Variants in PLAGL1 observed in about 807,000 individuals in gnomAD.
The protein encoded by PLAGL1 is PLAG1 like zinc finger 1, also known as zinc finger protein PLAGL1.
PLAGL1 carries 1 observed loss-of-function variant against 4.6 expected under a neutral mutation model. The observed-to-expected ratio is 0.22, with a 90% CI of 0.08 to 1.03. The LOEUF (loss-of-function observed/expected upper bound fraction) is 1.03, where lower values mean the gene tolerates loss of function less well. Ranked by LOEUF, PLAGL1 falls within the 50% of genes least tolerant of loss-of-function variation. PLAGL1 has a pLI of 0.58. For synonymous variants in PLAGL1, 240 were observed against 237.8 expected (o/e 1.01, Z -0.08); for missense variants, 464 against 570.4 (o/e 0.81, Z 1.90).
intron 1 of PLAGL1, among the ~76,000 whole-genome samples, chr6:143,988,452 G>T (rs1216402372): frequency 6.6e-6 from 1 of 152,212 alleles, no homozygotes; most frequent in Non-Finnish European, 1.5e-5. Flanking sequence ...AGAGGTTCTG[G>T]AGGAGGAAAC....
chr6:143,953,991 A>G lies in PLAGL1; in HGVS notation c.-324-5531T>C, dbSNP rs1390665331. On this transcript the variant is annotated intron_variant, in intron 6 of 7. Coordinates refer to ENST00000674357, the MANE Select transcript of PLAGL1 (RefSeq NM_001317162.2). The surrounding 1 kb of genome is among the most constrained non-coding windows in gnomAD (Gnocchi z 5.3). ...CACAAGTGCTCGCTATGGAGACTGT[A>G]TGAAAGTGGGGGAGTAGCCTGACAC... 6.6e-6 allele frequency among the ~76,000 whole-genome samples: 1 copy of G among 152,138 alleles called. No homozygotes were observed. The highest frequency in any genetic ancestry group is 1.5e-5 in the Non-Finnish European group (1 of 68,018).
At position 143,948,029 on chromosome 6, in the gene PLAGL1, C is replaced by T. The variant is rs1454046612; in HGVS notation, c.108G>A (p.Gln36=). ...AAACAAAGGCTTTGCCACAGTCAGG[C>T]TGCACACACTTGTACGGCCGCTCCC... ...HSRERPYKCV[Q]PDCGKAFVSR... is the part of the protein sequence containing the mutation. The change falls in exon 7 of 8, where the codon CAG becomes CAA. Residue 36 remains glutamine, a synonymous_variant. Transcript: ENST00000674357. This position sits in a 1 kb window ranked among gnomAD's most constrained non-coding sequence, Gnocchi z 6.0. 2.5e-6 allele frequency: 4 copies of T among 1,614,136 alleles called. No homozygotes were observed. Among genetic ancestry groups the T allele is most frequent in the Non-Finnish European group, 3.4e-6 (4 of 1,179,968 alleles).
chr6:143,988,013 T>C (rs529872110), intron 1 of PLAGL1, among the ~76,000 whole-genome samples: 11 of 152,358 alleles, frequency 7.2e-5, no homozygotes, highest in African/African-American at 2.4e-4. Context: ...ATAACCTTTC[T>C]ATCTTGTCTG....
At chr6:144,044,691 C>T (rs138280044) in intron 1 of PLAGL1, among the ~76,000 whole-genome samples, 2,940 of 152,186 alleles carry the variant, frequency 0.019, 84 homozygotes, top group East Asian at 0.088. Context: ...CTATTAGGTC[C>T]GCTTGGTGCA....
Position 144,004,219 on chromosome 6 carries a change from TC to T in PLAGL1, c.-584+3870del, listed in dbSNP as rs1466273941. 1.2e-4 allele frequency among the ~76,000 whole-genome samples: 18 copies of T among 151,974 alleles called. No homozygotes were observed. Among genetic ancestry groups the T allele is most frequent in the Admixed American group, 7.9e-4 (12 of 15,262 alleles). On this transcript the variant is annotated intron_variant, in intron 1 of 7. Transcript: ENST00000674357. This position sits in a 1 kb window ranked among gnomAD's most constrained non-coding sequence, Gnocchi z 4.2. ...TTTTTAAGATGGGGTCATCTCACTG[TC>T]ACCCAGGCTGCAGTGCAGTGGCATG...
At chr6:144,044,813 T>C (rs1209981732) in intron 1 of PLAGL1, among the ~76,000 whole-genome samples, 1 of 152,138 alleles carries the variant, frequency 6.6e-6, no homozygotes, top group Non-Finnish European at 1.5e-5. Context: ...TCTAAGTCTC[T>C]TTTTAGGTCT....
chr6:143,969,358 A>G (rs1401357425), intron 2 of PLAGL1, among the ~76,000 whole-genome samples: 1 of 152,138 alleles, frequency 6.6e-6, no homozygotes, highest in Non-Finnish European at 1.5e-5. Context: ...CCCACATCAC[A>G]AGACCCTTTT....
At chr6:144,007,415 G>A (rs1794478360) in intron 1 of PLAGL1, 1 of 152,196 alleles carries the variant, frequency 6.6e-6, no homozygotes, top group Non-Finnish European at 1.5e-5. Flanking sequence ...GAGGACCTAA[G>A]CTGGGTGTTT....
At position 143,962,191 on chromosome 6, in the gene PLAGL1, A is replaced by G. The variant is rs1783520778; in HGVS notation, c.-398-1649T>C. ...CCAAGGCAGGCCTGGTCTGGGGGGA[A>G]AATCATGTGCAGTATATGACGATTT... is the stretch of plus-strand genomic sequence containing the variant. On this transcript the variant is annotated intron_variant, in intron 5 of 7. Transcript: ENST00000674357. This position sits in a 1 kb window ranked among gnomAD's most constrained non-coding sequence, Gnocchi z 5.3. Among the ~76,000 whole-genome samples the G allele has an allele frequency of 6.6e-6, 1 of 152,202 alleles. No homozygotes were observed. Among genetic ancestry groups the G allele is most frequent in the Non-Finnish European group, 1.5e-5 (1 of 68,028 alleles).
At chr6:144,057,427 G>A (rs779558381) in intron 1 of PLAGL1, among the ~76,000 whole-genome samples, 1 of 152,148 alleles carries the variant, frequency 6.6e-6, no homozygotes, top group Non-Finnish European at 1.5e-5. Context: ...CACCCTACAT[G>A]TATACCTGGC....
intron 1 of PLAGL1, among the ~76,000 whole-genome samples, chr6:144,028,837 A>C (rs534689008): frequency 6.6e-6 from 1 of 152,336 alleles, no homozygotes; most frequent in East Asian, 1.9e-4. Context: ...CTTATTATAA[A>C]AATACATGCT....
Position 144,036,713 on chromosome 6 carries a change from GA to G in PLAGL1, c.-151+27754del. 2.9e-5 allele frequency: 8 copies of G among 280,688 alleles called. No homozygotes were observed. Among genetic ancestry groups the G allele is most frequent in the Non-Finnish European group, 5.4e-5 (8 of 147,066 alleles). The allele number at this position is 280,688 out of a possible 1,614,324, so 17.4% of individuals were successfully genotyped here. On this transcript the variant is annotated intron_variant, in intron 1 of 3. Transcript: ENST00000437412. This position sits in a 1 kb window ranked among gnomAD's most constrained non-coding sequence, Gnocchi z 5.1. ...GGGACGAAAGAAAGAGGAAAGAATGGAAAAAGTGAAACTACAGAACAGAAAT... is the reference window on the plus strand; with the variant it reads ...GGGACGAAAGAAAGAGGAAAGAATGGAAAAGTGAAACTACAGAACAGAAAT...
At position 144,056,463 on chromosome 6, in the gene PLAGL1, A is replaced by G. The variant is rs963052800; in HGVS notation, c.-151+8005T>C. ...ATACAGAGTAGTGTCACTGCTCTAA[A>G]CAAAACTCCTCTGTGCTCCGTCTAT... On this transcript the variant is annotated intron_variant, in intron 1 of 3. Coordinates refer to the PLAGL1 transcript ENST00000437412. This position sits in a 1 kb window ranked among gnomAD's most constrained non-coding sequence, Gnocchi z 4.7. Among the ~76,000 whole-genome samples, 1 of 152,202 alleles carries G rather than the reference A, an allele frequency of 6.6e-6. No individual in the cohort carries two copies. Among genetic ancestry groups the G allele is most frequent in the African/African-American group, 2.4e-5 (1 of 41,440 alleles).
Position 143,975,506 on chromosome 6 carries a change from T to A in PLAGL1, c.-543-6528A>T, listed in dbSNP as rs1003113274. On this transcript the variant is annotated intron_variant, in intron 2 of 7. Coordinates refer to ENST00000674357, the MANE Select transcript of PLAGL1 (RefSeq NM_001317162.2). This position sits in a 1 kb window ranked among gnomAD's most constrained non-coding sequence, Gnocchi z 5.8. ...AACAGCATTGGCATACAGTGAAAGATCAATAATTATAGCTATTATCAATGC... is the reference window on the plus strand; with the variant it reads ...AACAGCATTGGCATACAGTGAAAGAACAATAATTATAGCTATTATCAATGC... Among the ~76,000 whole-genome samples the A allele has an allele frequency of 7.2e-5, 11 of 152,180 alleles. No individual in the cohort carries two copies. The highest frequency in any genetic ancestry group is 2.7e-4 in the African/African-American group (11 of 41,444).
At chr6:144,054,893 CTTTAAA>C in intron 1 of PLAGL1, among the ~76,000 whole-genome samples, 1 of 150,322 alleles carries the variant, frequency 6.7e-6, no homozygotes, top group African/African-American at 2.4e-5. Context: ...CTTTCCTAAA[CTTTAAA>C]TTTGTAAAGG....
intron 1 of PLAGL1, among the ~76,000 whole-genome samples, chr6:144,046,286 G>T (rs971725779): frequency 2.0e-5 from 3 of 152,138 alleles, no homozygotes; most frequent in African/African-American, 7.2e-5. Context: ...AGAATTTTCA[G>T]CTTTTCTGCT....
At chr6:144,043,374 T>TTTA (rs2128718856) in intron 1 of PLAGL1, among the ~76,000 whole-genome samples, 1 of 152,358 alleles carries the variant, frequency 6.6e-6, no homozygotes, top group South Asian at 2.1e-4. Context: ...ACTGAGAGTT[T>TTTA]TTAGCATGAA....
chr6:143,942,762 G>A lies in PLAGL1; in HGVS notation c.153-99C>T. ...TATCAAAATGTTAATAGTTTTCTCT[G>A]GGTCTTGGTATAATTTTCAAAATTC... On this transcript the variant is annotated intron_variant, in intron 7 of 7. Coordinates refer to ENST00000674357, the MANE Select transcript of PLAGL1 (RefSeq NM_001317162.2). The surrounding 1 kb of genome is among the most constrained non-coding windows in gnomAD (Gnocchi z 7.6). 1 of 829,150 alleles carries A rather than the reference G, an allele frequency of 1.2e-6. No individual in the cohort carries two copies. The highest frequency in any genetic ancestry group is 1.8e-6 in the Non-Finnish European group (1 of 550,972). The allele number at this position is 829,150 out of a possible 1,614,324, so 51.4% of individuals were successfully genotyped here. A position where few individuals can be genotyped will look rare whatever the true frequency, so the allele number is the denominator to read the frequency against.
intron 2 of PLAGL1, among the ~76,000 whole-genome samples, chr6:143,981,755 A>G (rs1788006216): frequency 6.6e-6 from 1 of 152,132 alleles, no homozygotes. Flanking sequence ...CGAAGTTCCA[A>G]TCCTTTATAT....
Sources: allele counts gnomAD v4.1 joint callset (sites outside exome capture counted in the v4.1 genomes callset), GRCh38; gene constraint gnomAD v4.1.1; non-coding constraint Gnocchi (gnomAD v3.1); transcripts MANE v1.5; gene names NCBI Gene and HGNC (gene_info 2026-07-23, HGNC 2026-07-21).